ZNF2: variants seen among roughly 807,000 people sequenced by gnomAD.
ZNF2 encodes the protein zinc finger protein 2.
A neutral mutation model predicts 21.9 loss-of-function variants in ZNF2; 12 were observed. The observed-to-expected ratio is 0.55, with a 90% CI of 0.35 to 0.89. The LOEUF is 0.89. ZNF2 is among the 40% of genes least tolerant of loss of function. The pLI is 0.01. For missense variants in ZNF2, 462 were observed against 544.2 expected (o/e 0.85, Z 1.50); for synonymous variants, 186 against 196.3 (o/e 0.95, Z 0.44).
chr2:95,178,124 G>C (rs548541146), intron 3 of ZNF2, among the ~76,000 whole-genome samples: 14 of 152,328 alleles, frequency 9.2e-5, no homozygotes, highest in African/African-American at 3.1e-4. Context: ...TACAGTCTTA[G>C]ATGCTCACAG....
intron 1 of ZNF2, among the ~76,000 whole-genome samples, chr2:95,170,442 G>A (rs1459310888): frequency 6.6e-6 from 1 of 152,144 alleles, no homozygotes; most frequent in Non-Finnish European, 1.5e-5. Context: ...TGCTTGGCCA[G>A]TGTGAACCCA....
intron 1 of ZNF2, 108 bp from the exon 2 acceptor site, chr2:95,176,080 T>C (rs1674430262): frequency 1.0e-6 from 1 of 972,036 alleles, no homozygotes; most frequent in East Asian, 2.4e-5. Flanking sequence ...TTGTAAGGTA[T>C]TGAGGATGAC....
At chr2:95,177,088 T>G (rs1674472193) in intron 2 of ZNF2, among the ~76,000 whole-genome samples, 1 of 152,246 alleles carries the variant, frequency 6.6e-6, no homozygotes, top group African/African-American at 2.4e-5. Context: ...AGACACATGA[T>G]GTTGACAAGT....
chr2:95,176,962 A>G (rs999976793), intron 2 of ZNF2, among the ~76,000 whole-genome samples: 47 of 152,292 alleles, frequency 3.1e-4, no homozygotes, highest in African/African-American at 1.1e-3. Context: ...AAGATTGTAG[A>G]TTAGATAATA....
At position 95,183,246 on chromosome 2, in the gene ZNF2, G is replaced by A. The variant is rs1416461487; in HGVS notation, c.*1140G>A. On this transcript the variant is annotated 3_prime_UTR_variant, in exon 5 of 5. Transcript: ENST00000614034. ...TTATTTGGAACATCTGGCTTCCAAA[G>A]TCACCACAAGGGCGGAAGAGAAAGC... The A allele has an allele frequency of 1.3e-5, 2 of 152,198 alleles. No homozygotes were observed. The highest frequency in any genetic ancestry group is 1.5e-5 in the Non-Finnish European group (1 of 68,062). The allele number at this position is 152,198 out of a possible 1,614,324, so 9.4% of individuals were successfully genotyped here.
chr2:95,166,753 A>G (rs920829661), intron 1 of ZNF2, among the ~76,000 whole-genome samples: 30 of 152,204 alleles, frequency 2.0e-4, no homozygotes, highest in Non-Finnish European at 4.3e-4. Context: ...AAGAGTTTGA[A>G]TTTGGGACAC....
rs754277207 is a variant in ZNF2 at position 95,177,567 on chromosome 2, A to G, written c.118A>G (p.Lys40Glu). 2 of 1,613,968 alleles carry G rather than the reference A, an allele frequency of 1.2e-6. No homozygotes were observed. Among genetic ancestry groups the G allele is most frequent in the Non-Finnish European group, 8.5e-7 (1 of 1,179,994 alleles). The change falls in exon 3 of 5, where the codon AAG (lysine) becomes GAG (glutamate). Residue 40 changes from lysine (K) to glutamate (E), a missense_variant. Lys to Glu is a moderately conservative substitution (Grantham distance 56). Coordinates refer to ENST00000614034, the MANE Select transcript of ZNF2 (RefSeq NM_021088.4). ...RLVPIQRDLY[K>E]EVMLENYNSI... ...GGTCCCCATACAGAGGGACCTCTAC[A>G]AGGAGGTGATGCTGGAGAACTATAA...
At chr2:95,168,055 A>G (rs956787092) in intron 1 of ZNF2, among the ~76,000 whole-genome samples, 5 of 151,754 alleles carry the variant, frequency 3.3e-5, no homozygotes, top group African/African-American at 1.2e-4. Flanking sequence ...AAATAGTTTC[A>G]GGTAGAGGAG....
At position 95,181,971 on chromosome 2, in the gene ZNF2, G is replaced by A. The variant is rs766979717; in HGVS notation, c.1143G>A (p.Arg381=). The change falls in exon 5 of 5, where the codon CGG becomes CGA. Residue 381 remains arginine, a synonymous_variant. Transcript: ENST00000614034. Reference sequence around the variant, plus strand: ...AATGCGGGAAAGCCTTTAGCCAGCGGTGCCGGCTCACGCGGCATCAGCGTG... The same window carrying A: ...AATGCGGGAAAGCCTTTAGCCAGCGATGCCGGCTCACGCGGCATCAGCGTG... ...CSECGKAFSQ[R]CRLTRHQRVH... 40 of 1,614,174 alleles carry A rather than the reference G, an allele frequency of 2.5e-5. 1 individual carries two copies. The South Asian group carries it at 4.1e-4, about 16-fold the overall frequency.
At position 95,182,793 on chromosome 2, in the gene ZNF2, C is replaced by T. The variant is rs1674724091; in HGVS notation, c.*687C>T. ...TGATGCCAGGTCTTGAAGACAGGTCCACCTTCAAAATCTATTCTCTTTACC... is the reference window on the plus strand; with the variant it reads ...TGATGCCAGGTCTTGAAGACAGGTCTACCTTCAAAATCTATTCTCTTTACC... On this transcript the variant is annotated 3_prime_UTR_variant, in exon 5 of 5. Transcript: ENST00000614034. The T allele has an allele frequency of 6.6e-6, 1 of 152,580 alleles. No individual in the cohort carries two copies. The highest frequency in any genetic ancestry group is 1.5e-5 in the Non-Finnish European group (1 of 68,040). The allele number at this position is 152,580 out of a possible 1,614,324, so 9.5% of individuals were successfully genotyped here. A position where few individuals can be genotyped will look rare whatever the true frequency, so the allele number is the denominator to read the frequency against.
intron 1 of ZNF2, among the ~76,000 whole-genome samples, chr2:95,170,901 C>T (rs945947391): frequency 1.1e-4 from 16 of 152,046 alleles, no homozygotes; most frequent in African/African-American, 3.6e-4. Flanking sequence ...TGGTTTATTC[C>T]CATTCCAAAT....
chr2:95,182,370 G>T lies in ZNF2; in HGVS notation c.*264G>T, dbSNP rs189557452. The T allele has an allele frequency of 8.1e-6, 3 of 371,130 alleles. No individual in the cohort carries two copies. The East Asian group carries it at 1.3e-4, about 17-fold the overall frequency. 23.0% of individuals were successfully genotyped at this position (371,130 alleles called of 1,614,324 possible). A position where few individuals can be genotyped will look rare whatever the true frequency, so the allele number is the denominator to read the frequency against. On this transcript the variant is annotated 3_prime_UTR_variant, in exon 5 of 5. Coordinates refer to ENST00000614034, the MANE Select transcript of ZNF2 (RefSeq NM_021088.4). ...GATGTTAGGAGGAGACACACCTCTTGTCTGAGAACCTAGGCCCCAGGTATC... is the reference window on the plus strand; with the variant it reads ...GATGTTAGGAGGAGACACACCTCTTTTCTGAGAACCTAGGCCCCAGGTATC...
intron 1 of ZNF2, among the ~76,000 whole-genome samples, chr2:95,172,632 T>C (rs926360085): frequency 6.6e-6 from 1 of 151,910 alleles, no homozygotes; most frequent in Non-Finnish European, 1.5e-5. Context: ...TTTGAATTTC[T>C]TTGTGGTTTT....
rs559425935 is a variant in ZNF2, at chr2:95,182,842, T to C, written c.*736T>C. 1 of 152,454 alleles carries C rather than the reference T, an allele frequency of 6.6e-6. No homozygotes were observed. Among genetic ancestry groups the C allele is most frequent in the East Asian group, 1.9e-4 (1 of 5,184 alleles). The allele number at this position is 152,454 out of a possible 1,614,324, so 9.4% of individuals were successfully genotyped here. A position where few individuals can be genotyped will look rare whatever the true frequency, so the allele number is the denominator to read the frequency against. On this transcript the variant is annotated 3_prime_UTR_variant, in exon 5 of 5. Transcript: ENST00000614034. ...CCATTATGCTCGATGGTTTGTTTGT[T>C]TTATAATTTATGTATATGTATTATC...
chr2:95,178,899 T>A (rs1674539065), intron 3 of ZNF2, among the ~76,000 whole-genome samples: 1 of 152,134 alleles, frequency 6.6e-6, no homozygotes, highest in South Asian at 2.1e-4. Flanking sequence ...AGATCAGTAC[T>A]GATATAAATA....
chr2:95,176,073 TA>T, intron 1 of ZNF2, 114 bp from the exon 2 acceptor site: 1 of 924,220 alleles, frequency 1.1e-6, no homozygotes, highest in Non-Finnish European at 1.8e-6. Flanking sequence ...CCCCCTTTTG[TA>T]AGGTATTGAG....
At position 95,182,310 on chromosome 2, in the gene ZNF2, C is replaced by T. The variant is rs1048260088; in HGVS notation, c.*204C>T. The T allele has an allele frequency of 6.4e-6, 4 of 627,372 alleles. No homozygotes were observed. Among genetic ancestry groups the T allele is most frequent in the Non-Finnish European group, 1.0e-5 (4 of 387,644 alleles). The allele number at this position is 627,372 out of a possible 1,614,324, so 38.9% of individuals were successfully genotyped here. A position where few individuals can be genotyped will look rare whatever the true frequency, so the allele number is the denominator to read the frequency against. ...GGCCATGGAAATGACTCTAAAGATA[C>T]AAAATTTTGAAGAGGTTTGTCAGAC... On this transcript the variant is annotated 3_prime_UTR_variant, in exon 5 of 5. Coordinates refer to ENST00000614034, the MANE Select transcript of ZNF2 (RefSeq NM_021088.4).
At chr2:95,167,525 AAG>A (rs1674118154) in intron 1 of ZNF2, among the ~76,000 whole-genome samples, 2 of 150,918 alleles carry the variant, frequency 1.3e-5, no homozygotes, top group Non-Finnish European at 1.5e-5. Context: ...AAAAAAAAAA[AAG>A]AAAGAAATAG....
chr2:95,172,147 T>C (rs1161331719), intron 1 of ZNF2, among the ~76,000 whole-genome samples: 1 of 152,228 alleles, frequency 6.6e-6, no homozygotes, highest in African/African-American at 2.4e-5. Flanking sequence ...TCAGAGCCCA[T>C]GTTTTTTATT....
Sources: allele counts gnomAD v4.1 joint callset (sites outside exome capture counted in the v4.1 genomes callset), GRCh38; gene constraint gnomAD v4.1.1; transcripts MANE v1.5; gene names NCBI Gene and HGNC (gene_info 2026-07-23, HGNC 2026-07-21).